SNCAIP: variants seen among roughly 807,000 people sequenced by gnomAD.
The protein encoded by SNCAIP is synphilin-1.
A neutral mutation model predicts 86.7 loss-of-function variants in SNCAIP; 43 were observed. The ratio of observed to expected loss-of-function variants is 0.50; its 90% CI spans 0.39 to 0.64. SNCAIP has a LOEUF of 0.64. SNCAIP is among the 30% of genes least tolerant of loss of function. The pLI, the probability that SNCAIP is intolerant of heterozygous loss-of-function variation, is 0.00. For synonymous variants in SNCAIP, 417 were observed against 427.2 expected (o/e 0.98, Z 0.29); for missense variants, 981 against 1,103.1 (o/e 0.89, Z 1.57).
At chr5:122,408,633 T>C (rs1773503198) in intron 3 of SNCAIP, among the ~76,000 whole-genome samples, 1 of 152,212 alleles carries the variant, frequency 6.6e-6, no homozygotes, top group East Asian at 1.9e-4. Flanking sequence ...CTGTTTCAAA[T>C]TTTTGTGAGA....
chr5:122,391,836 T>A (rs902122671), intron 2 of SNCAIP, among the ~76,000 whole-genome samples: 2 of 152,300 alleles, frequency 1.3e-5, no homozygotes, highest in Admixed American at 1.3e-4. Flanking sequence ...TCTACATGCA[T>A]CTTGCTTTGA....
intron 2 of SNCAIP, among the ~76,000 whole-genome samples, chr5:122,403,496 A>G (rs1479241357): frequency 6.6e-6 from 1 of 152,122 alleles, no homozygotes; most frequent in East Asian, 1.9e-4. Flanking sequence ...TCCATCTTCC[A>G]CAAGTGGCAG....
intron 5 of SNCAIP, 98 bp from the exon 6 acceptor site, chr5:122,431,871 T>C: frequency 2.8e-6 from 2 of 726,718 alleles, no homozygotes; most frequent in South Asian, 3.0e-5. Flanking sequence ...TGCCAAAATT[T>C]ATATGATTTC....
intron 1 of SNCAIP, among the ~76,000 whole-genome samples, chr5:122,355,676 G>T (rs571838082): frequency 1.3e-5 from 2 of 152,110 alleles, no homozygotes; most frequent in Admixed American, 1.3e-4. Context: ...ATCTCCCCTC[G>T]CATGTTCATT....
chr5:122,394,800 A>G (rs1455208492), intron 2 of SNCAIP, among the ~76,000 whole-genome samples: 1 of 152,200 alleles, frequency 6.6e-6, no homozygotes, highest in Non-Finnish European at 1.5e-5. Context: ...GCCACCATCC[A>G]CCAATGTTGG....
At chr5:122,334,641 C>T (rs1055166014) in intron 1 of SNCAIP, among the ~76,000 whole-genome samples, 5 of 152,108 alleles carry the variant, frequency 3.3e-5, no homozygotes, top group African/African-American at 9.7e-5. Context: ...TTAGAGAAAG[C>T]ATTTTAACAG....
chr5:122,415,975 C>T (rs1300480940), intron 3 of SNCAIP, among the ~76,000 whole-genome samples: 3 of 152,188 alleles, frequency 2.0e-5, no homozygotes, highest in Admixed American at 6.5e-5. Context: ...GCGAAGACCA[C>T]GTAACTTTCT....
At chr5:122,372,778 T>G (rs1045737214) in intron 1 of SNCAIP, among the ~76,000 whole-genome samples, 3 of 151,998 alleles carry the variant, frequency 2.0e-5, no homozygotes, top group African/African-American at 7.2e-5. Flanking sequence ...TATAAAGATG[T>G]CTTCTTTTTC....
chr5:122,375,122 C>T (rs1765034294), intron 1 of SNCAIP, among the ~76,000 whole-genome samples: 1 of 152,124 alleles, frequency 6.6e-6, no homozygotes, highest in South Asian at 2.1e-4. Context: ...AGACATTTAA[C>T]TCACTATCCT....
intron 2 of SNCAIP, among the ~76,000 whole-genome samples, chr5:122,394,515 A>G (rs886765338): frequency 4.6e-5 from 7 of 152,240 alleles, no homozygotes; most frequent in African/African-American, 1.7e-4. Context: ...ACATTCTCCA[A>G]TAGCTGCAGG....
At chr5:122,427,751 A>C (rs1262815033) in intron 5 of SNCAIP, among the ~76,000 whole-genome samples, 1 of 152,178 alleles carries the variant, frequency 6.6e-6, no homozygotes, top group Non-Finnish European at 1.5e-5. Flanking sequence ...GGAAAGACAA[A>C]GTTGGTACAA....
chr5:122,416,839 T>C (rs550138377), intron 3 of SNCAIP, among the ~76,000 whole-genome samples: 1 of 152,308 alleles, frequency 6.6e-6, no homozygotes, highest in South Asian at 2.1e-4. Context: ...AAATGGAATG[T>C]TGGAGAACTT....
intron 8 of SNCAIP, among the ~76,000 whole-genome samples, chr5:122,446,013 A>G (rs1178562541): frequency 2.0e-5 from 3 of 152,148 alleles, no homozygotes; most frequent in African/African-American, 7.2e-5. Context: ...AAAAGGGGTT[A>G]CTGCCAACCA....
intron 1 of SNCAIP, chr5:122,389,229 T>C (rs1003141060): frequency 6.6e-6 from 1 of 152,346 alleles, no homozygotes; most frequent in African/African-American, 2.4e-5. Flanking sequence ...TAAAGATCCA[T>C]TTGGTCCCCA....
chr5:122,338,431 G>C (rs940417612), intron 1 of SNCAIP, among the ~76,000 whole-genome samples: 4 of 152,096 alleles, frequency 2.6e-5, no homozygotes, highest in Non-Finnish European at 5.9e-5. Context: ...TTAATCTAAA[G>C]GTCCCTAAAT....
chr5:122,318,962 T>C (rs935723030), intron 1 of SNCAIP, among the ~76,000 whole-genome samples: 3 of 140,184 alleles, frequency 2.1e-5, no homozygotes, highest in Non-Finnish European at 4.6e-5. Flanking sequence ...GTCACTGTTA[T>C]CATCTTTTTT....
chr5:122,428,035 T>C (rs1395422331), intron 5 of SNCAIP, among the ~76,000 whole-genome samples: 1 of 152,140 alleles, frequency 6.6e-6, no homozygotes, highest in Non-Finnish European at 1.5e-5. Context: ...AGCAAAGTAA[T>C]TGGAAAGAAA....
intron 1 of SNCAIP, among the ~76,000 whole-genome samples, chr5:122,346,259 G>A (rs748088290): frequency 3.9e-5 from 6 of 152,244 alleles, no homozygotes; most frequent in Admixed American, 1.3e-4. Flanking sequence ...GGAAGTGTTA[G>A]CAATTGAAAT....
intron 3 of SNCAIP, among the ~76,000 whole-genome samples, chr5:122,418,781 A>T (rs1008132656): frequency 7.2e-5 from 11 of 152,204 alleles, no homozygotes; most frequent in Non-Finnish European, 1.2e-4. Flanking sequence ...AGGGATATGC[A>T]CCCACATATG....
Sources: gnomAD v4.1 joint callset for allele counts (sites outside exome capture counted in the v4.1 genomes callset) on GRCh38, gnomAD v4.1.1 for gene constraint, MANE v1.5 for transcripts, NCBI Gene and HGNC (gene_info 2026-07-23, HGNC 2026-07-21) for gene names.